Variants in ABCC6 observed in about 807,000 individuals in gnomAD.
The protein encoded by ABCC6 is ATP-binding cassette sub-family C member 6.
Under a neutral mutation model 169.5 loss-of-function variants are expected in ABCC6, and 126 were observed. That is an observed-to-expected ratio of 0.74 (90% confidence interval 0.64 to 0.86). The LOEUF is 0.86. ABCC6 is among the 40% of genes least tolerant of loss of function. ABCC6 has a pLI of 0.00. For synonymous variants in ABCC6, 752 were observed against 814.7 expected (o/e 0.92, Z 1.31); for missense variants, 1,733 against 1,927.2 (o/e 0.90, Z 1.89).
Position 16,165,760 on chromosome 16 carries a change from C to T in ABCC6, c.3169G>A (p.Val1057Met), listed in dbSNP as rs767588374. 5.0e-6 allele frequency: 8 copies of T among 1,613,824 alleles called. No homozygotes were observed. Among genetic ancestry groups the T allele is most frequent in the Non-Finnish European group, 5.9e-6 (7 of 1,180,044 alleles). ...GACCGGAGTTTGTCTGGAATGTCCA[C>T]GTCAACCGTGTCTGTCTCCTTGGAG... ...RFSKETDTVD[V>M]DIPDKLRSLL... Residue 1057 changes from valine (V) to methionine (M), a missense_variant, in exon 23 of 31, where the codon GTG becomes ATG. Physicochemically the swap from Val to Met is conservative, Grantham distance 21. Coordinates refer to ENST00000205557, the MANE Select transcript of ABCC6 (RefSeq NM_001171.6).
intron 29 of ABCC6, among the ~76,000 whole-genome samples, chr16:16,153,720 A>G (rs2046454916): frequency 6.6e-6 from 1 of 151,814 alleles, no homozygotes; most frequent in South Asian, 2.1e-4. Context: ...CCTGGGCAAC[A>G]TGGTGAAACC....
At position 16,163,412 on chromosome 16, in the gene ABCC6, C is replaced by T. The variant is rs531033042; in HGVS notation, c.3307-220G>A. ...AAAATCACCTGGGGAGCTTCAAAAA[C>T]CTCTAATGCCCCACCCCAGAATGAC... On this transcript the variant is annotated intron_variant, in intron 23 of 30. Transcript: ENST00000205557. Among the ~76,000 whole-genome samples, 12 of 152,262 alleles carry T rather than the reference C, an allele frequency of 7.9e-5. No individual in the cohort carries two copies. The South Asian group carries it at 1.7e-3, about 21-fold the overall frequency.
intron 15 of ABCC6, among the ~76,000 whole-genome samples, chr16:16,183,399 C>T (rs532101934): frequency 6.6e-5 from 10 of 152,276 alleles, no homozygotes; most frequent in Non-Finnish European, 8.8e-5. Flanking sequence ...CTCTTGGTCC[C>T]GCCCCACTCC....
chr16:16,158,845 G>T (rs1053497380), intron 26 of ABCC6, among the ~76,000 whole-genome samples: 1 of 152,016 alleles, frequency 6.6e-6, no homozygotes, highest in Non-Finnish European at 1.5e-5. Flanking sequence ...TTGCTACTCT[G>T]TTACTCTGTT....
chr16:16,178,907 C>G lies in ABCC6; in HGVS notation c.2306G>C (p.Arg769Thr). 2 of 1,613,786 alleles carry G rather than the reference C, an allele frequency of 1.2e-6. No individual in the cohort carries two copies. Among genetic ancestry groups the G allele is most frequent in the East Asian group, 2.2e-5 (1 of 44,880 alleles). ...ATCCAGCAGGTACACAGCTGCCTTT[C>G]TGTATACAGCCCGGGCCAGGCTCAG... ...QRLSLARAVY[R>T]KAAVYLLDDP... Residue 769 changes from arginine to threonine, a missense_variant, in exon 18 of 31, where the codon AGA becomes ACA. Around this residue, in one of 5 missense-constraint regions of ABCC6, gnomAD observed 1,601 missense variants for 1,635.5 expected, o/e 0.98. Coordinates refer to ENST00000205557, the MANE Select transcript of ABCC6 (RefSeq NM_001171.6).
Position 16,150,687 on chromosome 16 carries a change from C to T in ABCC6, c.4294G>A (p.Val1432Met), listed in dbSNP as rs531418668. ...ATCTGCAGCTCCGTGCCAGGGTCCACGGCAGCAGTAGCCTCGTCCAGGATG... is the reference window on the plus strand; with the variant it reads ...ATCTGCAGCTCCGTGCCAGGGTCCATGGCAGCAGTAGCCTCGTCCAGGATG... ...ILILDEATAA[V>M]DPGTELQMQA... The change falls in exon 30 of 31, where the codon GTG (valine) becomes ATG (methionine). Residue 1432 changes from valine to methionine, a missense_variant. Val to Met is a conservative substitution (Grantham distance 21). Coordinates refer to ENST00000205557, the MANE Select transcript of ABCC6 (RefSeq NM_001171.6). The T allele has an allele frequency of 1.5e-5, 25 of 1,613,736 alleles. No homozygotes were observed. The highest frequency in any genetic ancestry group is 1.1e-4 in the African/African-American group (8 of 75,058).
intron 19 of ABCC6, 130 bp from the exon 20 acceptor site, chr16:16,176,116 C>G: frequency 1.2e-6 from 1 of 807,910 alleles, no homozygotes; most frequent in Non-Finnish European, 2.2e-6. Flanking sequence ...TCTCCAGCAA[C>G]CTCTCTCAAC....
intron 15 of ABCC6, 97 bp downstream of exon 15, chr16:16,184,862 G>A (rs891829628): frequency 4.4e-6 from 6 of 1,365,606 alleles, no homozygotes; most frequent in Admixed American, 3.4e-5. Context: ...GTCCCAGGCT[G>A]GAAACCTACA....
intron 20 of ABCC6, among the ~76,000 whole-genome samples, chr16:16,175,263 C>T (rs756542707): frequency 3.3e-5 from 5 of 152,150 alleles, no homozygotes; most frequent in Non-Finnish European, 5.9e-5. Flanking sequence ...CCCTCAAGAT[C>T]GCTGCCGCCC....
At position 16,182,893 on chromosome 16, in the gene ABCC6, C is replaced by A. The variant is rs1250519612; in HGVS notation, c.1981G>T (p.Val661Phe). The change falls in exon 16 of 31, where the codon GTT becomes TTT. Residue 661 changes from valine to phenylalanine, a missense_variant. Physicochemically the swap from Val to Phe is conservative, Grantham distance 50. This residue lies in a region of ABCC6 where 1,601 missense variants were observed against 1,635.5 expected (regional missense o/e 0.98). Transcript: ENST00000205557. ...TTCCCTGCCCCCACTGGACCGACAA[C>A]AGCCAGCAGACAGCCCTGGGGCACC... ...LTVPQGCLLA[V>F]VGPVGAGKSS... 2 of 1,614,084 alleles carry A rather than the reference C, an allele frequency of 1.2e-6. No individual in the cohort carries two copies. Among genetic ancestry groups the A allele is most frequent in the Admixed American group, 3.3e-5 (2 of 60,020 alleles).
intron 10 of ABCC6, among the ~76,000 whole-genome samples, chr16:16,195,989 C>T (rs1451025385): frequency 2.6e-5 from 4 of 152,070 alleles, no homozygotes. Flanking sequence ...GTGGGCAGAT[C>T]ACCTGAGGTC....
chr16:16,157,536 G>T, intron 27 of ABCC6, 127 bp downstream of exon 27: 1 of 1,236,350 alleles, frequency 8.1e-7, no homozygotes, highest in Non-Finnish European at 1.2e-6. Flanking sequence ...GGGGTAATGG[G>T]TCTGAAAGCT....
intron 14 of ABCC6, among the ~76,000 whole-genome samples, chr16:16,185,919 A>T (rs968075134): frequency 2.0e-5 from 3 of 152,230 alleles, no homozygotes; most frequent in African/African-American, 7.2e-5. Flanking sequence ...CAAAGCTCTC[A>T]TGGCTTAGCC....
intron 17 of ABCC6, 117 bp from the exon 18 acceptor site, chr16:16,179,082 G>A: frequency 8.6e-7 from 1 of 1,168,968 alleles, no homozygotes; most frequent in South Asian, 1.3e-5. Flanking sequence ...AGCTCAACAT[G>A]CCTATTCCCT....
intron 13 of ABCC6, among the ~76,000 whole-genome samples, chr16:16,188,459 T>C (rs2047726938): frequency 6.6e-6 from 1 of 152,122 alleles, no homozygotes; most frequent in African/African-American, 2.4e-5. Context: ...CGCCGTTTCT[T>C]GTTTTCACCA....
chr16:16,191,085 CG>C (rs11323832), intron 11 of ABCC6, among the ~76,000 whole-genome samples: 146,996 of 150,806 alleles, frequency 0.97, 71,710 homozygotes, highest in Middle Eastern at 1. Context: ...CACCATGGGG[CG>C]GGGGGCATCA....
At chr16:16,182,041 C>A (rs189319412) in intron 17 of ABCC6, 2 of 362,204 alleles carry the variant, frequency 5.5e-6, no homozygotes, top group Admixed American at 4.0e-5. Context: ...TATCCTGTTT[C>A]TTGGACATCT....
intron 29 of ABCC6, among the ~76,000 whole-genome samples, chr16:16,152,803 A>G (rs1455647315): frequency 6.6e-6 from 1 of 152,066 alleles, no homozygotes; most frequent in East Asian, 1.9e-4. Flanking sequence ...CCACCAAGCA[A>G]CGCTGCCTCT....
chr16:16,188,998 G>A lies in ABCC6; in HGVS notation c.1636-24C>T, dbSNP rs377753263. On this transcript the variant is annotated intron_variant, in intron 12 of 30. Transcript: ENST00000205557. ...ACCTGGGGGGTGGGGGGGACACGTG[G>A]GGCAACAGTGAGACACGCAAGCATG... 4.2e-5 allele frequency: 67 copies of A among 1,612,942 alleles called. No individual in the cohort carries two copies. The African/African-American group carries it at 6.8e-4, about 16-fold the overall frequency.
Sources: allele counts gnomAD v4.1 joint callset (sites outside exome capture counted in the v4.1 genomes callset), GRCh38; gene constraint gnomAD v4.1.1; regional missense constraint gnomAD v4.1.1; transcripts MANE v1.5; gene names NCBI Gene and HGNC (gene_info 2026-07-23, HGNC 2026-07-21).